ATP2B2: variants seen among roughly 807,000 people sequenced by gnomAD.
ATP2B2 encodes plasma membrane calcium-transporting ATPase 2.
ATP2B2 carries 15 observed loss-of-function variants against 120.0 expected under a neutral mutation model. That is an observed-to-expected ratio of 0.12 (90% CI 0.08 to 0.19). The LOEUF is 0.19. Among genes scored for constraint, ATP2B2 ranks in the 10% least tolerant of loss-of-function variants. ATP2B2 has a pLI of 1.00. For missense variants in ATP2B2, 1,045 were observed against 1,719.8 expected (o/e 0.61, Z 6.94); for synonymous variants, 694 against 700.3 (o/e 0.99, Z 0.14).
At chr3:10,524,445 CAA>C (rs1254313868) in intron 3 of ATP2B2, among the ~76,000 whole-genome samples, 1 of 152,142 alleles carries the variant, frequency 6.6e-6, no homozygotes. Flanking sequence ...CTCACTTGGC[CAA>C]AGTCACATGA....
At chr3:10,698,102 G>C (rs1212489929) in intron 1 of ATP2B2, among the ~76,000 whole-genome samples, 1 of 152,214 alleles carries the variant, frequency 6.6e-6, no homozygotes, top group Non-Finnish European at 1.5e-5. Flanking sequence ...TCAGAGATAA[G>C]TCCTGGTCCA....
intron 14 of ATP2B2, among the ~76,000 whole-genome samples, chr3:10,358,079 C>A (rs1231834192): frequency 6.6e-6 from 1 of 152,218 alleles, no homozygotes; most frequent in Non-Finnish European, 1.5e-5. Context: ...AGCCCCCTTC[C>A]CTTCTGCTGG....
rs72624421 is a variant in ATP2B2 at position 10,379,021 on chromosome 3, G to A, written c.1042+222C>T. ...ATGGGGCGCAGAGTTCAAAGGCTAGGGAGATGCTGGCCCATGGGTATCCCC... is the reference window on the plus strand; with the variant it reads ...ATGGGGCGCAGAGTTCAAAGGCTAGAGAGATGCTGGCCCATGGGTATCCCC... On this transcript the variant is annotated intron_variant, in intron 9 of 22. Transcript: ENST00000360273. 4.6e-3 allele frequency among the ~76,000 whole-genome samples: 703 copies of A among 152,270 alleles called. 41 individuals carry two copies. The East Asian group carries it at 0.12, about 26-fold the overall frequency.
chr3:10,513,098 G>C (rs1366186022), intron 3 of ATP2B2, among the ~76,000 whole-genome samples: 1 of 152,336 alleles, frequency 6.6e-6, no homozygotes, highest in Non-Finnish European at 1.5e-5. Flanking sequence ...TTTAGAGACA[G>C]CCATGAAATG....
At chr3:10,588,264 G>A (rs2125572637) in intron 2 of ATP2B2, among the ~76,000 whole-genome samples, 1 of 152,322 alleles carries the variant, frequency 6.6e-6, no homozygotes, top group Middle Eastern at 3.4e-3. Context: ...ATGGTCAAAT[G>A]TCTCTAGACA....
At chr3:10,556,858 T>G (rs1479862717) in intron 2 of ATP2B2, among the ~76,000 whole-genome samples, 1 of 152,194 alleles carries the variant, frequency 6.6e-6, no homozygotes, top group Non-Finnish European at 1.5e-5. Flanking sequence ...CCCTCTGGGG[T>G]GGGTACAATT....
chr3:10,589,125 G>A (rs900091797), intron 2 of ATP2B2, among the ~76,000 whole-genome samples: 46 of 152,302 alleles, frequency 3.0e-4, no homozygotes, highest in African/African-American at 1.1e-3. Flanking sequence ...ATGGGTCAGG[G>A]TGGGCCTCCT....
intron 2 of ATP2B2, among the ~76,000 whole-genome samples, chr3:10,619,380 CA>C (rs2069484180): frequency 6.6e-6 from 1 of 152,274 alleles, no homozygotes; most frequent in Non-Finnish European, 1.5e-5. Context: ...TTCCCCTTCT[CA>C]AGGCTTCAAA....
intron 2 of ATP2B2, among the ~76,000 whole-genome samples, chr3:10,579,259 C>T (rs541243061): frequency 1.3e-5 from 2 of 152,346 alleles, no homozygotes; most frequent in East Asian, 3.9e-4. Flanking sequence ...GCTTCTTGCT[C>T]TGTAAAATGG....
At chr3:10,692,146 T>A (rs1224216042) in intron 1 of ATP2B2, among the ~76,000 whole-genome samples, 4 of 152,254 alleles carry the variant, frequency 2.6e-5, no homozygotes, top group South Asian at 4.1e-4. Flanking sequence ...AAAATCTGCA[T>A]ATTTTTATAA....
intron 2 of ATP2B2, among the ~76,000 whole-genome samples, chr3:10,444,452 G>A (rs1319353941): frequency 6.6e-6 from 1 of 152,204 alleles, no homozygotes; most frequent in South Asian, 2.1e-4. Context: ...CAAAGTACCC[G>A]CCATCTCCCA....
rs74778716 is a variant in ATP2B2 at position 10,346,563 on chromosome 3, C to T, written c.2405-426G>A. 0.011 allele frequency among the ~76,000 whole-genome samples: 1,665 copies of T among 152,372 alleles called. 19 individuals are homozygous for T. Among genetic ancestry groups the T allele is most frequent in the Middle Eastern group, 0.02 (6 of 294 alleles). Reference sequence around the variant, plus strand: ...AGCCAGCACTTTCTCCCTGGGGAGTCCAGGCTTGCTGAGGAGGCCTTGGCT... The same window carrying T: ...AGCCAGCACTTTCTCCCTGGGGAGTTCAGGCTTGCTGAGGAGGCCTTGGCT... On this transcript the variant is annotated intron_variant, in intron 16 of 22. Coordinates refer to ENST00000360273, the MANE Select transcript of ATP2B2 (RefSeq NM_001001331.4). This position sits in a 1 kb window ranked among gnomAD's most constrained non-coding sequence, Gnocchi z 4.1.
intron 1 of ATP2B2, among the ~76,000 whole-genome samples, chr3:10,658,610 A>G (rs1365051366): frequency 6.6e-6 from 1 of 152,176 alleles, no homozygotes; most frequent in Non-Finnish European, 1.5e-5. Context: ...GACCAAATCT[A>G]CATCTGATTG....
intron 2 of ATP2B2, among the ~76,000 whole-genome samples, chr3:10,594,555 C>T (rs1400695905): frequency 3.8e-5 from 4 of 105,918 alleles, no homozygotes; most frequent in African/African-American, 7.8e-5. Flanking sequence ...CATCACACAC[C>T]GGGGCCTGTT....
intron 2 of ATP2B2, among the ~76,000 whole-genome samples, chr3:10,599,166 A>G (rs957988789): frequency 2.0e-5 from 3 of 152,334 alleles, no homozygotes; most frequent in African/African-American, 7.2e-5. Flanking sequence ...TAGCTCAGGC[A>G]GCTCCCTGCC....
At chr3:10,368,387 G>T (rs2061127778) in intron 12 of ATP2B2, among the ~76,000 whole-genome samples, 1 of 152,010 alleles carries the variant, frequency 6.6e-6, no homozygotes, top group Non-Finnish European at 1.5e-5. Flanking sequence ...AGAAGGTAGA[G>T]ACATCAGTCC....
chr3:10,379,162 T>C, intron 9 of ATP2B2, 81 bp downstream of exon 9: 1 of 1,501,604 alleles, frequency 6.7e-7, no homozygotes, highest in Non-Finnish European at 9.2e-7. Flanking sequence ...CCCTTGCCAG[T>C]CTCTGTCTCT....
intron 8 of ATP2B2, among the ~76,000 whole-genome samples, chr3:10,382,968 C>G (rs1222859145): frequency 6.6e-6 from 1 of 151,930 alleles, no homozygotes; most frequent in Non-Finnish European, 1.5e-5. Flanking sequence ...GTAATGTGCT[C>G]TCACCTGGAG....
rs557984829 is a variant in ATP2B2, at chr3:10,686,778, T to C, written c.-460+21137A>G. 6.6e-4 allele frequency among the ~76,000 whole-genome samples: 100 copies of C among 152,308 alleles called. 1 individual carries two copies. The highest frequency in any genetic ancestry group is 2.4e-3 in the African/African-American group (98 of 41,558). On this transcript the variant is annotated intron_variant, in intron 1 of 21. Coordinates refer to the ATP2B2 transcript ENST00000646379. ...TCACAGATGAGTAAATTGAGAACAG[T>C]TTCTCACCAGTAAGCCCTATACCTT...
Sources: allele counts gnomAD v4.1 joint callset (sites outside exome capture counted in the v4.1 genomes callset), GRCh38; gene constraint gnomAD v4.1.1; non-coding constraint Gnocchi (gnomAD v3.1); transcripts MANE v1.5; gene names NCBI Gene and HGNC (gene_info 2026-07-23, HGNC 2026-07-21).